The following RYR3 variants were observed in gnomAD, a reference collection of about 807,000 sequenced individuals.
The protein encoded by RYR3 is ryanodine receptor 3.
RYR3 carries 207 observed loss-of-function variants against 584.3 expected under a neutral mutation model. That is an observed-to-expected ratio of 0.35 (90% CI 0.32 to 0.40). The LOEUF (loss-of-function observed/expected upper bound fraction) is 0.40. Among genes scored for constraint, RYR3 ranks in the 10% least tolerant of loss-of-function variants. RYR3 has a pLI of 1.00. For missense variants in RYR3, 5,616 were observed against 6,089.2 expected, an observed-to-expected ratio of 0.92 and a Z score of 2.59; for synonymous variants, 2,416 against 2,248.5, an observed-to-expected ratio of 1.07 and a Z score of -2.11.
At chr15:33,784,641 G>GTAGA (rs2074593332) in intron 65 of RYR3, among the ~76,000 whole-genome samples, 1 of 152,224 alleles carries the variant, frequency 6.6e-6, no homozygotes. Context: ...TGAGGAGGAA[G>GTAGA]TAGACACATT....
At chr15:33,863,998 T>A in intron 102 of RYR3, 140 bp from the exon 103 acceptor site, 2 of 597,982 alleles carry the variant, frequency 3.3e-6, no homozygotes, top group Non-Finnish European at 6.0e-6. Context: ...TGTGTCCTTA[T>A]GCCACACTTC....
At chr15:33,732,218 A>G in intron 48 of RYR3, among the ~76,000 whole-genome samples, 1 of 146,392 alleles carries the variant, frequency 6.8e-6, no homozygotes, top group East Asian at 2.2e-4. Context: ...CATCTCTACT[A>G]AAAATACAAA....
chr15:33,774,087 A>G (rs963417008), intron 64 of RYR3, among the ~76,000 whole-genome samples: 8 of 152,180 alleles, frequency 5.3e-5, no homozygotes, highest in African/African-American at 1.9e-4. Flanking sequence ...ACAAGTGCAC[A>G]CTTTGGTATT....
At chr15:33,646,268 T>A in intron 28 of RYR3, 83 bp from the exon 29 acceptor site, 2 of 1,228,422 alleles carry the variant, frequency 1.6e-6, no homozygotes, top group Non-Finnish European at 2.3e-6. Flanking sequence ...TGCCTTGCCA[T>A]GTGCATGTCC....
chr15:33,421,658 A>G lies in RYR3; in HGVS notation c.52-51761A>G, dbSNP rs149333166. Among the ~76,000 whole-genome samples, 42 of 152,214 alleles carry G rather than the reference A, an allele frequency of 2.8e-4. No individual in the cohort carries two copies. The East Asian group carries it at 7.9e-3, about 29-fold the overall frequency. The stretch of plus-strand genomic sequence containing the variant: ...GACCTCTAAGAGTAATAATCAAATA[A>G]CCTAGGTCATGCTGATGAGGCCCTA... On this transcript the variant is annotated intron_variant, in intron 1 of 103. Transcript: ENST00000634891.
intron 43 of RYR3, among the ~76,000 whole-genome samples, chr15:33,721,446 T>G (rs911505136): frequency 6.6e-6 from 1 of 152,244 alleles, no homozygotes; most frequent in Non-Finnish European, 1.5e-5. Context: ...TGCCAATATT[T>G]TGAGGGAATT....
At position 33,844,821 on chromosome 15, in the gene RYR3, T is replaced by C; in HGVS notation, c.13297-41T>C. ...GTGGGGAGAGCCCAATGGCTGAGGT[T>C]CTTTTTGATGTTTAATAAGCGAGTG... On this transcript the variant is annotated intron_variant, in intron 92 of 103. Transcript: ENST00000634891. 1.9e-6 allele frequency: 3 copies of C among 1,572,156 alleles called. No homozygotes were observed. In the South Asian group the frequency reaches 3.4e-5, roughly 18 times the overall value.
chr15:33,635,968 A>G lies in RYR3; in HGVS notation c.3381+149A>G, dbSNP rs982581554. Reference sequence around the variant, plus strand: ...TGTAGACATTGAATGGGCATCTCCTAGTGACTGTTTCTTTGCTCTTCACTC... The same window carrying G: ...TGTAGACATTGAATGGGCATCTCCTGGTGACTGTTTCTTTGCTCTTCACTC... On this transcript the variant is annotated intron_variant, in intron 26 of 103. Coordinates refer to ENST00000634891, the MANE Select transcript of RYR3 (RefSeq NM_001036.6). 5.8e-6 allele frequency: 4 copies of G among 690,410 alleles called. No homozygotes were observed. In the African/African-American group the frequency reaches 7.1e-5, roughly 12 times the overall value. The allele number at this position is 690,410 out of a possible 1,614,324, so 42.8% of individuals were successfully genotyped here.
intron 34 of RYR3, among the ~76,000 whole-genome samples, chr15:33,661,503 G>A (rs2063159436): frequency 6.6e-6 from 1 of 152,142 alleles, no homozygotes; most frequent in South Asian, 2.1e-4. Context: ...TTTGGCACCA[G>A]GGACTGGTTT....
chr15:33,834,327 G>GCACACACACACACAC (rs1567276035), intron 86 of RYR3, among the ~76,000 whole-genome samples: 68 of 112,678 alleles, frequency 6.0e-4, no homozygotes, highest in African/African-American at 2.0e-3. Context: ...CACACACAGT[G>GCACACACACACACAC]AGATTAACAT....
chr15:33,358,819 G>A (rs1974347372), intron 1 of RYR3, among the ~76,000 whole-genome samples: 1 of 152,128 alleles, frequency 6.6e-6, no homozygotes, highest in Non-Finnish European at 1.5e-5. Flanking sequence ...CCTGAGGGAC[G>A]ATGAGTGTTC....
At position 33,855,538 on chromosome 15, in the gene RYR3, A is replaced by T. The variant is rs368057632; in HGVS notation, c.14007+626A>T. ...TTTAAGGTCTACCCCTTCCTCCATG[A>T]ATCTGATATATTCCCTGGGGGTTAG... On this transcript the variant is annotated intron_variant, in intron 98 of 103. Coordinates refer to ENST00000634891, the MANE Select transcript of RYR3 (RefSeq NM_001036.6). Among the ~76,000 whole-genome samples the T allele has an allele frequency of 6.6e-5, 10 of 152,092 alleles. No individual in the cohort carries two copies. The East Asian group carries it at 9.7e-4, about 15-fold the overall frequency.
chr15:33,758,554 C>T (rs867870887), intron 60 of RYR3, among the ~76,000 whole-genome samples: 5 of 152,128 alleles, frequency 3.3e-5, no homozygotes, highest in African/African-American at 7.2e-5. Context: ...TGGAACGCAC[C>T]ACAGCACGGC....
intron 85 of RYR3, among the ~76,000 whole-genome samples, chr15:33,829,526 A>T (rs1262254184): frequency 6.6e-6 from 1 of 152,022 alleles, no homozygotes; most frequent in Non-Finnish European, 1.5e-5. Flanking sequence ...AGGCAGGAGG[A>T]TCACAAGGTC....
intron 43 of RYR3, among the ~76,000 whole-genome samples, chr15:33,721,409 A>G (rs574333439): frequency 6.6e-6 from 1 of 152,376 alleles, no homozygotes; most frequent in Admixed American, 6.5e-5. Context: ...AAATACTGCA[A>G]GATAACAAAT....
At chr15:33,804,174 A>C (rs1329592059) in intron 69 of RYR3, among the ~76,000 whole-genome samples, 1 of 152,220 alleles carries the variant, frequency 6.6e-6, no homozygotes, top group Non-Finnish European at 1.5e-5. Flanking sequence ...TGGTCCGGTT[A>C]GTCTGTAGAA....
Position 33,833,872 on chromosome 15 carries a change from A to G in RYR3, c.11464-1096A>G, listed in dbSNP as rs1401223815. 3.9e-5 allele frequency among the ~76,000 whole-genome samples: 6 copies of G among 152,194 alleles called. No individual in the cohort carries two copies. The East Asian group carries it at 1.2e-3, about 29-fold the overall frequency. On this transcript the variant is annotated intron_variant, in intron 86 of 103. Coordinates refer to ENST00000634891, the MANE Select transcript of RYR3 (RefSeq NM_001036.6). The stretch of plus-strand genomic sequence containing the variant: ...ACTTTTCTAGAAATTAGGGTAATAT[A>G]TGTGTTCCTTTTAGAACTTTCTTAT...
intron 60 of RYR3, among the ~76,000 whole-genome samples, chr15:33,760,583 G>A (rs2072330314): frequency 1.3e-5 from 2 of 152,150 alleles, no homozygotes; most frequent in African/African-American, 4.8e-5. Context: ...ACTAAATACA[G>A]GAGCACCCAG....
intron 77 of RYR3, among the ~76,000 whole-genome samples, chr15:33,820,424 G>A (rs1259935331): frequency 6.6e-6 from 1 of 152,202 alleles, no homozygotes; most frequent in East Asian, 1.9e-4. Context: ...CTAGGAAGTG[G>A]CAGCTCCCTG....
Sources: allele counts gnomAD v4.1 joint callset (sites outside exome capture counted in the v4.1 genomes callset), GRCh38; gene constraint gnomAD v4.1.1; transcripts MANE v1.5; gene names NCBI Gene and HGNC (gene_info 2026-07-23, HGNC 2026-07-21).